The following CD300A variants were observed in gnomAD, a reference collection of about 807,000 sequenced individuals.
CD300A encodes CD300a molecule, also known as CMRF35-like molecule 8.
In CD300A, 22 loss-of-function variants were observed where a neutral mutation model predicts 33.6. The observed-to-expected ratio is 0.66, with a 90% CI of 0.47 to 0.94. The LOEUF is 0.94. Ranked by LOEUF, CD300A falls within the 40% of genes least tolerant of loss-of-function variation. The pLI, the probability that CD300A is intolerant of heterozygous loss-of-function variation, is 0.00. For synonymous variants in CD300A, 136 were observed against 148.1 expected (o/e 0.92, Z 0.59); for missense variants, 326 against 360.5 (o/e 0.90, Z 0.77).
At chr17:74,473,904 T>C in intron 2 of CD300A, 30 bp downstream of exon 2, 1 of 1,595,304 alleles carries the variant, frequency 6.3e-7, no homozygotes, top group Non-Finnish European at 8.6e-7. Context: ...AGCGCCTAAA[T>C]AGGCTCAGGT....
chr17:74,469,446 C>A (rs1482799504), intron 1 of CD300A, among the ~76,000 whole-genome samples: 2 of 151,898 alleles, frequency 1.3e-5, no homozygotes, highest in African/African-American at 4.8e-5. Flanking sequence ...GGTTTGCAGA[C>A]TTATTTGCAG....
At chr17:74,467,745 C>T (rs1905819544) in intron 1 of CD300A, among the ~76,000 whole-genome samples, 1 of 152,324 alleles carries the variant, frequency 6.6e-6, no homozygotes, top group South Asian at 2.1e-4. Flanking sequence ...AACGGGTCAT[C>T]CTCCCATAAC....
At chr17:74,474,464 AAG>A in intron 2 of CD300A, 66 bp from the exon 3 acceptor site, 1 of 1,531,712 alleles carries the variant, frequency 6.5e-7, no homozygotes, top group Admixed American at 1.7e-5. Context: ...TCAAACCAAA[AAG>A]GCATCCTGAG....
chr17:74,481,086 T>C (rs75164535), intron 4 of CD300A, among the ~76,000 whole-genome samples: 1 of 152,132 alleles, frequency 6.6e-6, no homozygotes, highest in Non-Finnish European at 1.5e-5. Context: ...TATTCACTCA[T>C]CCTGTGCTCG....
intron 4 of CD300A, among the ~76,000 whole-genome samples, chr17:74,478,603 G>A (rs1303336113): frequency 3.9e-5 from 6 of 152,212 alleles, no homozygotes; most frequent in Non-Finnish European, 7.3e-5. Flanking sequence ...CCTGGCCGAG[G>A]TCAAGTGTAA....
Position 74,477,500 on chromosome 17 carries a change from G to T in CD300A, c.598G>T (p.Ala200Ser), listed in dbSNP as rs772241880. The T allele has an allele frequency of 6.2e-7, 1 of 1,613,450 alleles. No individual in the cohort carries two copies. The highest frequency in any genetic ancestry group is 8.5e-7 in the Non-Finnish European group (1 of 1,179,864). ...LLLLVGASLL[A>S]WRMFQKWIKA... ...TCTGTTGGTGGGGGCCTCCCTGCTA[G>T]CCTGGAGGATGTTTCAGAAATGGAT... Residue 200 changes from alanine (A) to serine (S), a missense_variant, in exon 4 of 7, where the codon GCC becomes TCC. Ala to Ser is a moderately conservative substitution (Grantham distance 99). Transcript: ENST00000360141.
chr17:74,475,358 G>C (rs1906392766), intron 3 of CD300A, among the ~76,000 whole-genome samples: 1 of 152,132 alleles, frequency 6.6e-6, no homozygotes, highest in African/African-American at 2.4e-5. Context: ...TTTGGGTGGG[G>C]ACCCAGCCAA....
chr17:74,466,620 G>A (rs1905720203), upstream of CD300A: 5 of 1,444,338 alleles, frequency 3.5e-6, no homozygotes, highest in South Asian at 4.9e-5. Flanking sequence ...AGCAGAAGTC[G>A]GGGCCTTGGA....
Position 74,484,010 on chromosome 17 carries a change from A to AG in CD300A, c.787dup (p.Glu263GlyfsTer11), listed in dbSNP as rs1232857219. ...TGGTTTCTCTCTGCAGGCCTCCCCC[A>AG]GGGAAGAACTTCACTATGCCTCGGT... On this transcript the variant is annotated frameshift_variant, in exon 7 of 7. Coordinates refer to ENST00000360141, the MANE Select transcript of CD300A (RefSeq NM_007261.4). LOFTEE classifies it low-confidence loss of function (END_TRUNC). 8 of 1,613,630 alleles carry AG rather than the reference A, an allele frequency of 5.0e-6. No individual in the cohort carries two copies. The highest frequency in any genetic ancestry group is 6.8e-6 in the Non-Finnish European group (8 of 1,179,812).
At chr17:74,481,967 G>A (rs896413842) in intron 6 of CD300A, 134 bp downstream of exon 6, 45 of 640,554 alleles carry the variant, frequency 7.0e-5, no homozygotes, top group African/African-American at 1.8e-4. Context: ...GCCACATGGA[G>A]ATGGAGCAAG....
chr17:74,473,782 A>G lies in CD300A; in HGVS notation c.287A>G (p.Glu96Gly). The G allele has an allele frequency of 6.2e-7, 1 of 1,614,216 alleles. No homozygotes were observed. The highest frequency in any genetic ancestry group is 8.5e-7 in the Non-Finnish European group (1 of 1,180,036). ...GTGACCCTGGAGAATCTCACAGAGG[A>G]GGATGCAGGCACCTACTGGTGTGGG... ...FTVTLENLTE[E>G]DAGTYWCGVD... The change falls in exon 2 of 7, where the codon GAG (glutamate) becomes GGG (glycine). Residue 96 changes from glutamate (E) to glycine (G), a missense_variant. Coordinates refer to ENST00000360141, the MANE Select transcript of CD300A (RefSeq NM_007261.4).
intron 4 of CD300A, among the ~76,000 whole-genome samples, chr17:74,478,042 C>T (rs1381449785): frequency 6.6e-6 from 1 of 152,298 alleles, no homozygotes; most frequent in East Asian, 1.9e-4. Context: ...CCTCCCTCTC[C>T]CCATCCGCGC....
intron 6 of CD300A, among the ~76,000 whole-genome samples, chr17:74,482,369 GT>G (rs138514263): frequency 0.091 from 13,869 of 151,796 alleles, 754 homozygotes; most frequent in South Asian, 0.14. Flanking sequence ...GAAGCTTAAA[GT>G]GCCCCCAGGC....
rs1279183011 is a variant in CD300A at position 74,474,702 on chromosome 17, C to A, written c.533+17C>A. 6 of 1,613,206 alleles carry A rather than the reference C, an allele frequency of 3.7e-6. No homozygotes were observed. The African/African-American group carries it at 6.7e-5, about 18-fold the overall frequency. ...GAACTCACAGTAAGCACCCTAGCCC[C>A]TGAGACATGGAGGGGGCCCTGTGCT... On this transcript the variant is annotated intron_variant, in intron 3 of 6. Transcript: ENST00000360141.
intron 1 of CD300A, chr17:74,470,101 C>T (rs1905995570): frequency 1.0e-6 from 1 of 985,318 alleles, no homozygotes; most frequent in Non-Finnish European, 1.2e-6. Flanking sequence ...AGAGGAATAT[C>T]CTGGTAGAGG....
intron 6 of CD300A, among the ~76,000 whole-genome samples, chr17:74,483,316 G>T (rs560146560): frequency 2.1e-4 from 32 of 151,760 alleles, no homozygotes; most frequent in African/African-American, 7.7e-4. Flanking sequence ...ATCCATGGCT[G>T]CTTCGTTGTG....
intron 1 of CD300A, among the ~76,000 whole-genome samples, chr17:74,471,987 T>A (rs1337615168): frequency 6.6e-6 from 1 of 152,080 alleles, no homozygotes; most frequent in Non-Finnish European, 1.5e-5. Flanking sequence ...ATGCCTGTAA[T>A]CCCAGCACTT....
At chr17:74,468,401 C>T (rs1360829928) in intron 1 of CD300A, among the ~76,000 whole-genome samples, 1 of 152,082 alleles carries the variant, frequency 6.6e-6, no homozygotes, top group Non-Finnish European at 1.5e-5. Context: ...GGTGCAATCA[C>T]GGTTCACTGT....
intron 1 of CD300A, among the ~76,000 whole-genome samples, chr17:74,468,531 C>A (rs781634368): frequency 4.0e-5 from 6 of 151,744 alleles, no homozygotes; most frequent in Non-Finnish European, 7.4e-5. Context: ...CAGGGTCTTA[C>A]CATGTTGCCC....
Sources: allele counts gnomAD v4.1 joint callset (sites outside exome capture counted in the v4.1 genomes callset), GRCh38; gene constraint gnomAD v4.1.1; transcripts MANE v1.5; gene names NCBI Gene and HGNC (gene_info 2026-07-23, HGNC 2026-07-21).